UNC13C: variants seen among roughly 807,000 people sequenced by gnomAD.
UNC13C encodes protein unc-13 homolog C.
A neutral mutation model predicts 245.4 loss-of-function variants in UNC13C; 174 were observed. The ratio of observed to expected loss-of-function variants is 0.71; its 90% confidence interval spans 0.63 to 0.80. UNC13C has a LOEUF of 0.80. Ranked by LOEUF, UNC13C falls within the 30% of genes least tolerant of loss-of-function variation. The pLI is 0.00. For synonymous variants in UNC13C, 992 were observed against 895.1 expected, an observed-to-expected ratio of 1.11 and a Z score of -1.93; for missense variants, 2,829 against 2,602.9, an observed-to-expected ratio of 1.09 and a Z score of -1.89.
At chr15:54,133,414 A>C (rs1038460830) in intron 2 of UNC13C, among the ~76,000 whole-genome samples, 1 of 152,146 alleles carries the variant, frequency 6.6e-6, no homozygotes, top group African/African-American at 2.4e-5. Context: ...TCGCCGAGTA[A>C]ATATTTTATC....
intron 13 of UNC13C, among the ~76,000 whole-genome samples, chr15:54,314,550 TGA>T (rs2037961472): frequency 2.0e-5 from 3 of 151,740 alleles, no homozygotes; most frequent in Admixed American, 2.0e-4. Context: ...TTCCAGTCTT[TGA>T]GAGAGAACCT....
At chr15:53,916,438 A>T in the UNC13C span, among the ~76,000 whole-genome samples, 102,648 of 152,078 alleles carry the variant, frequency 0.67, 34,706 homozygotes, top group South Asian at 0.73. Flanking sequence ...ATCAATAGAG[A>T]AGGCTGACCT....
At chr15:54,495,462 A>G (rs1006736952) in intron 20 of UNC13C, among the ~76,000 whole-genome samples, 2 of 152,020 alleles carry the variant, frequency 1.3e-5, no homozygotes, top group Non-Finnish European at 2.9e-5. Flanking sequence ...AATTACCTCT[A>G]TTTGGGGAAC....
chr15:54,248,594 T>C (rs1347047810), intron 7 of UNC13C, among the ~76,000 whole-genome samples: 1 of 70,004 alleles, frequency 1.4e-5, no homozygotes, highest in Non-Finnish European at 2.5e-5. Flanking sequence ...GCCAGGAGAT[T>C]TACTTGCTTC....
At chr15:54,381,357 T>C (rs72732800) in intron 17 of UNC13C, among the ~76,000 whole-genome samples, 24,497 of 152,126 alleles carry the variant, frequency 0.16, 2,205 homozygotes, top group Middle Eastern at 0.25. Context: ...TATGGCTTTG[T>C]AGTATATTTT....
At chr15:54,471,706 G>GA (rs1456066391) in intron 19 of UNC13C, among the ~76,000 whole-genome samples, 2 of 151,278 alleles carry the variant, frequency 1.3e-5, no homozygotes. Flanking sequence ...GTATACACTT[G>GA]AAAAAAATGT....
Position 54,139,643 on chromosome 15 carries a change from T to G in UNC13C, c.2984-3375T>G, listed in dbSNP as rs2031917286. ...ATTTTTAATATCATTAAAATCAGTA[T>G]CTTTAATCTTCATTAATTTTGTACT... On this transcript the variant is annotated intron_variant, in intron 2 of 32. Coordinates refer to ENST00000260323, the MANE Select transcript of UNC13C (RefSeq NM_001080534.3). 2.6e-5 allele frequency among the ~76,000 whole-genome samples: 4 copies of G among 152,218 alleles called. No homozygotes were observed. In the South Asian group the frequency reaches 8.3e-4, roughly 32 times the overall value.
intron 30 of UNC13C, among the ~76,000 whole-genome samples, chr15:54,571,725 G>A (rs1283268321): frequency 6.6e-6 from 1 of 152,200 alleles, no homozygotes; most frequent in Admixed American, 6.5e-5. Flanking sequence ...AGGAGCCACA[G>A]GCACAGGCTC....
chr15:53,978,256 T>G (rs1020057930), upstream of UNC13C, among the ~76,000 whole-genome samples: 3 of 152,240 alleles, frequency 2.0e-5, no homozygotes, highest in African/African-American at 4.8e-5. Context: ...GATGAAGCTG[T>G]GTCCCACACA....
At chr15:54,051,294 T>G (rs1408192688) in intron 2 of UNC13C, among the ~76,000 whole-genome samples, 3 of 152,190 alleles carry the variant, frequency 2.0e-5, no homozygotes, top group Admixed American at 6.5e-5. Context: ...TGACATATGG[T>G]ATAAGGAATG....
chr15:54,629,483 G>A (rs78574262), downstream of UNC13C: 4 of 152,230 alleles, frequency 2.6e-5, no homozygotes, highest in East Asian at 5.8e-4. Flanking sequence ...CACAGGTGGT[G>A]TGTTCATGGA....
chr15:54,219,707 A>G (rs975734378), intron 4 of UNC13C, among the ~76,000 whole-genome samples: 5 of 151,922 alleles, frequency 3.3e-5, no homozygotes, highest in Admixed American at 2.6e-4. Context: ...TCATCTGTCA[A>G]AGGGCTAATA....
chr15:54,321,348 C>T, intron 13 of UNC13C: 1 of 472,864 alleles, frequency 2.1e-6, no homozygotes, highest in East Asian at 5.6e-5. Context: ...TTCTTTAATG[C>T]CACCCACCAA....
intron 4 of UNC13C, among the ~76,000 whole-genome samples, chr15:54,192,567 G>A (rs2034221744): frequency 1.3e-5 from 2 of 152,038 alleles, no homozygotes; most frequent in African/African-American, 4.8e-5. Context: ...TCACATTACT[G>A]TATCTGGATA....
chr15:54,549,289 G>T (rs1480206230), intron 27 of UNC13C, among the ~76,000 whole-genome samples: 1 of 152,044 alleles, frequency 6.6e-6, no homozygotes, highest in Non-Finnish European at 1.5e-5. Context: ...ATTTATTTTT[G>T]CAGGGAGTAG....
chr15:54,322,029 T>A lies in UNC13C; in HGVS notation c.4359T>A (p.Ala1453=), dbSNP rs1253960829. 1.3e-6 allele frequency: 2 copies of A among 1,591,492 alleles called. No homozygotes were observed. Among genetic ancestry groups the A allele is most frequent in the Non-Finnish European group, 1.7e-6 (2 of 1,167,716 alleles). Residue 1453 remains alanine (A), a synonymous_variant, in exon 14 of 33, where the codon GCT becomes GCA. Transcript: ENST00000260323. ...TLLANINAFY[A]HTTVSTNIQV... is the part of the protein sequence containing the mutation. Reference sequence around the variant, plus strand: ...TGGCTAATATAAATGCTTTTTATGCTCACACAACAGTTTCAACAAACATAC... The same window carrying A: ...TGGCTAATATAAATGCTTTTTATGCACACACAACAGTTTCAACAAACATAC...
chr15:54,213,703 C>T (rs1023562706), intron 4 of UNC13C, among the ~76,000 whole-genome samples: 5 of 151,998 alleles, frequency 3.3e-5, no homozygotes, highest in Non-Finnish European at 5.9e-5. Flanking sequence ...TGCATGTAAG[C>T]ATAAAGCACT....
chr15:54,210,408 T>C (rs910846652), intron 4 of UNC13C, among the ~76,000 whole-genome samples: 1 of 151,890 alleles, frequency 6.6e-6, no homozygotes, highest in Non-Finnish European at 1.5e-5. Context: ...GCACAAAATA[T>C]TTATTTTTGT....
At chr15:54,007,084 C>A (rs184662841) in intron 1 of UNC13C, among the ~76,000 whole-genome samples, 1 of 152,134 alleles carries the variant, frequency 6.6e-6, no homozygotes, top group African/African-American at 2.4e-5. Flanking sequence ...TTATGTATCA[C>A]CCTTTTATGT....
Sources: gnomAD v4.1 joint callset for allele counts (sites outside exome capture counted in the v4.1 genomes callset) on GRCh38, gnomAD v4.1.1 for gene constraint, MANE v1.5 for transcripts, NCBI Gene and HGNC (gene_info 2026-07-23, HGNC 2026-07-21) for gene names.